The following ADGRV1 variants were observed in gnomAD, a reference collection of about 807,000 sequenced individuals.
ADGRV1 encodes the protein G-protein coupled receptor 98.
Under a neutral mutation model 596.2 loss-of-function variants are expected in ADGRV1, and 359 were observed. That is an observed-to-expected ratio of 0.60 (90% CI 0.55 to 0.66). ADGRV1 has a LOEUF of 0.66. ADGRV1 is among the 30% of genes least tolerant of loss of function. The pLI is 0.00. For synonymous variants in ADGRV1, 2,681 were observed against 2,679.2 expected, an observed-to-expected ratio of 1.00 and a Z score of -0.02; for missense variants, 7,274 against 7,575.6, an observed-to-expected ratio of 0.96 and a Z score of 1.48.
At chr5:90,946,072 C>T (rs774985175) in intron 83 of ADGRV1, among the ~76,000 whole-genome samples, 1 of 151,834 alleles carries the variant, frequency 6.6e-6, no homozygotes. Context: ...GATTATCTTC[C>T]GAAGGAAATG....
chr5:90,593,503 G>A (rs1021926210), intron 1 of ADGRV1, among the ~76,000 whole-genome samples: 4 of 152,094 alleles, frequency 2.6e-5, no homozygotes, highest in Non-Finnish European at 2.9e-5. Flanking sequence ...TAATATAAAC[G>A]ACGAGTTGAT....
At position 90,642,617 on chromosome 5, in the gene ADGRV1, GTC is replaced by G; in HGVS notation, c.2241-13_2241-12del. ...AAACTGGAAGTAGCGGGTGCCATTT[GTC>G]TCTCTGACTTCTCTAGGGTTAACGT... On this transcript the variant is annotated splice_polypyrimidine_tract_variant and intron_variant, in intron 11 of 89. Transcript: ENST00000405460. 1 of 1,605,500 alleles carries G rather than the reference GTC, an allele frequency of 6.2e-7. No individual in the cohort carries two copies. Among genetic ancestry groups the G allele is most frequent in the Non-Finnish European group, 8.5e-7 (1 of 1,177,288 alleles).
At chr5:91,019,393 G>A (rs1223303738) in intron 85 of ADGRV1, among the ~76,000 whole-genome samples, 1 of 151,928 alleles carries the variant, frequency 6.6e-6, no homozygotes, top group African/African-American at 2.4e-5. Context: ...AATCTGGTAT[G>A]GATGATCATT....
intron 86 of ADGRV1, among the ~76,000 whole-genome samples, chr5:91,075,855 C>T (rs900735333): frequency 2.0e-5 from 3 of 152,142 alleles, no homozygotes; most frequent in Non-Finnish European, 4.4e-5. Context: ...ACGGTCTGAC[C>T]CAGGACCATC....
At chr5:91,102,185 T>G in intron 86 of ADGRV1, 34 bp from the exon 87 acceptor site, 1 of 1,582,082 alleles carries the variant, frequency 6.3e-7, no homozygotes, top group Non-Finnish European at 8.6e-7. Context: ...TGCAGTATTC[T>G]GAAGCTCAAA....
rs1447064253 is a variant in ADGRV1 at position 90,781,512 on chromosome 5, A to G, written c.13165A>G (p.Ile4389Val). The G allele has an allele frequency of 4.3e-6, 7 of 1,611,522 alleles. No homozygotes were observed. The highest frequency in any genetic ancestry group is 5.9e-6 in the Non-Finnish European group (7 of 1,178,626). ...EIGNISIVRI[I>V]IMKNDNAEGI... ...AGGAAACATCTCCATTGTTCGCATC[A>G]TAATAATGAAAAATGATAACGCAGA... Residue 4389 changes from isoleucine to valine, a missense_variant, in exon 65 of 90, where the codon ATA becomes GTA. Ile to Val is a conservative substitution (Grantham distance 29). This residue lies in a region of ADGRV1 where 3,643 missense variants were observed against 3,809.2 expected (regional missense o/e 0.96). Coordinates refer to ENST00000405460, the MANE Select transcript of ADGRV1 (RefSeq NM_032119.4).
At chr5:90,808,951 G>GTTT (rs11462822) in intron 73 of ADGRV1, among the ~76,000 whole-genome samples, 5 of 144,364 alleles carry the variant, frequency 3.5e-5, no homozygotes, top group Non-Finnish European at 4.5e-5. Flanking sequence ...AGGCATAAAT[G>GTTT]TTTTTTTTTT....
intron 83 of ADGRV1, among the ~76,000 whole-genome samples, chr5:90,962,420 CTG>C (rs1391363627): frequency 6.6e-6 from 1 of 152,162 alleles, no homozygotes; most frequent in African/African-American, 2.4e-5. Flanking sequence ...AGAGAACTGA[CTG>C]TGAAAATAAC....
At chr5:91,017,774 G>A (rs1046345256) in intron 85 of ADGRV1, among the ~76,000 whole-genome samples, 5 of 151,806 alleles carry the variant, frequency 3.3e-5, no homozygotes, top group African/African-American at 4.8e-5. Context: ...TCGATTTCTA[G>A]TCTCCTACAG....
At chr5:90,796,252 A>G (rs555753001) in intron 70 of ADGRV1, among the ~76,000 whole-genome samples, 416 of 152,318 alleles carry the variant, frequency 2.7e-3, no homozygotes, top group African/African-American at 9.5e-3. Context: ...TGAATTGCTA[A>G]CTAGAATAAC....
At chr5:91,062,734 A>T (rs948076712) in intron 85 of ADGRV1, among the ~76,000 whole-genome samples, 7 of 151,896 alleles carry the variant, frequency 4.6e-5, no homozygotes, top group South Asian at 2.1e-4. Context: ...TCTAAATATC[A>T]CAGATCTCTG....
chr5:90,945,991 AAGG>A (rs1371897086), intron 83 of ADGRV1, among the ~76,000 whole-genome samples: 1 of 54,196 alleles, frequency 1.8e-5, no homozygotes, highest in African/African-American at 5.4e-5. Flanking sequence ...CAAAAAAAAG[AAGG>A]GAAGGAGGGA....
chr5:91,140,357 C>T (rs1290625221), intron 87 of ADGRV1, among the ~76,000 whole-genome samples: 1 of 152,120 alleles, frequency 6.6e-6, no homozygotes, highest in East Asian at 1.9e-4. Context: ...AGAAAGATAT[C>T]TGAATGCTAA....
chr5:90,677,673 T>C (rs1356222425), intron 25 of ADGRV1, among the ~76,000 whole-genome samples: 2 of 152,218 alleles, frequency 1.3e-5, no homozygotes, highest in East Asian at 3.8e-4. Flanking sequence ...CTTGTTATAT[T>C]ATTGAGAAAC....
At chr5:90,596,304 G>C (rs1182297009) in intron 1 of ADGRV1, among the ~76,000 whole-genome samples, 1 of 151,442 alleles carries the variant, frequency 6.6e-6, no homozygotes, top group Non-Finnish European at 1.5e-5. Flanking sequence ...TCACTTTCCA[G>C]ACTGGGCAAC....
intron 86 of ADGRV1, among the ~76,000 whole-genome samples, chr5:91,073,233 A>G (rs901369993): frequency 6.6e-6 from 1 of 152,182 alleles, no homozygotes; most frequent in Non-Finnish European, 1.5e-5. Context: ...TAGAAGCAAT[A>G]GCCACACACC....
intron 76 of ADGRV1, among the ~76,000 whole-genome samples, chr5:90,824,357 G>C (rs1052827540): frequency 1.3e-5 from 2 of 152,150 alleles, no homozygotes; most frequent in African/African-American, 4.8e-5. Flanking sequence ...TAGTGTCAAA[G>C]GACTTGATTT....
chr5:90,824,225 A>C (rs114980263), intron 76 of ADGRV1, among the ~76,000 whole-genome samples: 3,337 of 152,316 alleles, frequency 0.022, 39 homozygotes, highest in Middle Eastern at 0.027. Flanking sequence ...AGTCTTATTA[A>C]GCTGGTCTTT....
In ADGRV1 at chr5:90,721,508, A is replaced by ATTAAATTAAATTAAATTAAATTAAAT. The variant is rs1561594536; in HGVS notation, c.9748+450_9748+451insTAAATTAAATTAAATTAAATTAAATT. The stretch of plus-strand genomic sequence containing the variant: ...AACAGAGCAAGACTTGGTCTAAAAA[A>ATTAAATTAAATTAAATTAAATTAAAT]TAAAATAAAATAAAATAAAAATAAA... On this transcript the variant is annotated intron_variant, in intron 45 of 89. Transcript: ENST00000405460. Among the ~76,000 whole-genome samples the ATTAAATTAAATTAAATTAAATTAAAT allele has an allele frequency of 8.1e-5, 4 of 49,590 alleles. No homozygotes were observed. In the Admixed American group the frequency reaches 8.5e-4, roughly 10 times the overall value. The allele number at this position is 49,590 out of a possible 152,430, so 32.5% of individuals were successfully genotyped here.
Sources: gnomAD v4.1 joint callset for allele counts (sites outside exome capture counted in the v4.1 genomes callset) on GRCh38, gnomAD v4.1.1 for gene constraint, gnomAD v4.1.1 regional missense constraint, MANE v1.5 for transcripts, NCBI Gene and HGNC (gene_info 2026-07-23, HGNC 2026-07-21) for gene names.